Variants in NRXN1 observed in about 807,000 individuals in gnomAD.
The protein encoded by NRXN1 is neurexin-1.
A neutral mutation model predicts 150.9 loss-of-function variants in NRXN1; 39 were observed. That is an observed-to-expected ratio of 0.26 (90% confidence interval 0.20 to 0.34). NRXN1 has a LOEUF of 0.34. NRXN1 is among the 10% of genes least tolerant of loss of function. The pLI is 1.00. For missense variants in NRXN1, 1,815 were observed against 1,949.9 expected (o/e 0.93, Z 1.30); for synonymous variants, 924 against 757.0 (o/e 1.22, Z -3.62).
chr2:50,466,678 C>T (rs2088900182), intron 16 of NRXN1, among the ~76,000 whole-genome samples: 1 of 151,406 alleles, frequency 6.6e-6, no homozygotes, highest in South Asian at 2.1e-4. Context: ...AATGAGAAAG[C>T]AGAAATTTAT....
intron 17 of NRXN1, among the ~76,000 whole-genome samples, chr2:50,360,526 G>A (rs572030843): frequency 1.3e-5 from 2 of 152,202 alleles, no homozygotes; most frequent in South Asian, 2.1e-4. Flanking sequence ...GGGGCATTAC[G>A]TAATGGTAAA....
intron 5 of NRXN1, chr2:50,829,353 C>G (rs938975579): frequency 3.6e-6 from 3 of 834,130 alleles, no homozygotes; most frequent in Non-Finnish European, 5.8e-6. Context: ...CAGTCAAACT[C>G]CCAAACTCAG....
intron 21 of NRXN1, chr2:50,019,289 G>C (rs1295867014): frequency 8.5e-6 from 4 of 471,332 alleles, no homozygotes; most frequent in Non-Finnish European, 1.8e-5. Context: ...AAAGCTGTTT[G>C]AGGACAGGGA....
chr2:50,572,729 G>A (rs539763918), intron 8 of NRXN1, among the ~76,000 whole-genome samples: 2 of 152,234 alleles, frequency 1.3e-5, no homozygotes, highest in South Asian at 4.1e-4. Flanking sequence ...CAACCTCTGA[G>A]AACGAAAAGG....
At chr2:49,954,414 C>G (rs1366990982) in intron 21 of NRXN1, among the ~76,000 whole-genome samples, 1 of 152,148 alleles carries the variant, frequency 6.6e-6, no homozygotes, top group Non-Finnish European at 1.5e-5. Context: ...TGAGCTCTCT[C>G]TAAATTCTAA....
chr2:50,620,117 C>T lies in NRXN1; in HGVS notation c.1225G>A (p.Gly409Arg). The change falls in exon 8 of 23, where the codon GGG becomes AGG. Residue 409 changes from glycine to arginine, a missense_variant. Gly to Arg is a moderately radical substitution (Grantham distance 125, BLOSUM62 -2). Around this residue, in one of 6 missense-constraint regions of NRXN1, gnomAD observed 638 missense variants for 652.6 expected, o/e 0.98. Coordinates refer to ENST00000401669, the MANE Select transcript of NRXN1 (RefSeq NM_001330078.2). Reference sequence around the variant, plus strand: ...CCAACATAGAAAAAGTCATCAGACCCCAGCATGGTATAATCTTCTTGCGTG... The same window carrying T: ...CCAACATAGAAAAAGTCATCAGACCTCAGCATGGTATAATCTTCTTGCGTG... ...GYTQEDYTML[G>R]SDDFFYVGGS... 1 of 1,613,492 alleles carries T rather than the reference C, an allele frequency of 6.2e-7. No individual in the cohort carries two copies. The highest frequency in any genetic ancestry group is 8.5e-7 in the Non-Finnish European group (1 of 1,179,662).
rs564853734 is a variant in NRXN1 at position 50,770,498 on chromosome 2, T to G, written c.833-146883A>C. On this transcript the variant is annotated intron_variant, in intron 5 of 22. Coordinates refer to ENST00000401669, the MANE Select transcript of NRXN1 (RefSeq NM_001330078.2). Reference sequence around the variant, plus strand: ...AGGTGCGTCTCACAGGGAGCTCAAATGTGACTTTGGACCCATCTTAATATG... The same window carrying G: ...AGGTGCGTCTCACAGGGAGCTCAAAGGTGACTTTGGACCCATCTTAATATG... Among the ~76,000 whole-genome samples the G allele has an allele frequency of 7.2e-5, 11 of 152,106 alleles. 1 individual carries two copies. The South Asian group carries it at 1.7e-3, about 23-fold the overall frequency.
chr2:50,389,701 A>G (rs1402129), intron 17 of NRXN1, among the ~76,000 whole-genome samples: 86,503 of 151,982 alleles, frequency 0.57, 26,906 homozygotes, highest in East Asian at 0.92. Flanking sequence ...GCTATTTTTT[A>G]TCAATGTCCA....
chr2:50,245,253 G>A (rs2066391367), intron 17 of NRXN1, among the ~76,000 whole-genome samples: 1 of 151,862 alleles, frequency 6.6e-6, no homozygotes, highest in African/African-American at 2.4e-5. Context: ...CAGGTTACCT[G>A]GCTGAGTAGA....
chr2:50,509,945 G>A (rs904908193), intron 12 of NRXN1, among the ~76,000 whole-genome samples: 2 of 152,108 alleles, frequency 1.3e-5, no homozygotes, highest in Non-Finnish European at 2.9e-5. Context: ...GCCCTCACAA[G>A]AAGTGGAACA....
At chr2:50,265,565 A>G (rs2068746864) in intron 17 of NRXN1, among the ~76,000 whole-genome samples, 1 of 152,234 alleles carries the variant, frequency 6.6e-6, no homozygotes, top group Non-Finnish European at 1.5e-5. Flanking sequence ...AGAATGCCCA[A>G]GACTGTTTCT....
chr2:50,455,126 G>C (rs1348306332), intron 17 of NRXN1, among the ~76,000 whole-genome samples: 2 of 152,208 alleles, frequency 1.3e-5, no homozygotes, highest in Non-Finnish European at 2.9e-5. Context: ...GCATGCTGTA[G>C]AGTTGTCGCA....
At chr2:50,273,762 A>G (rs1461345779) in intron 17 of NRXN1, among the ~76,000 whole-genome samples, 1 of 152,132 alleles carries the variant, frequency 6.6e-6, no homozygotes, top group Non-Finnish European at 1.5e-5. Flanking sequence ...GCAGCCAAAA[A>G]ACATATGAAA....
intron 17 of NRXN1, among the ~76,000 whole-genome samples, chr2:50,391,198 A>G (rs1018455779): frequency 1.4e-5 from 2 of 145,744 alleles, no homozygotes; most frequent in African/African-American, 5.3e-5. Context: ...AGAGAGTTTC[A>G]CAAGTTTGCA....
At chr2:50,075,969 T>C (rs951860863) in intron 19 of NRXN1, among the ~76,000 whole-genome samples, 2 of 152,210 alleles carry the variant, frequency 1.3e-5, no homozygotes, top group African/African-American at 4.8e-5. Flanking sequence ...TAGCATGGTT[T>C]CTCTAATGTT....
At chr2:50,443,881 T>C (rs972107189) in intron 17 of NRXN1, among the ~76,000 whole-genome samples, 7 of 152,212 alleles carry the variant, frequency 4.6e-5, no homozygotes, top group Non-Finnish European at 8.8e-5. Flanking sequence ...TTCTGTCTTA[T>C]AGATTGCCAT....
intron 18 of NRXN1, among the ~76,000 whole-genome samples, chr2:50,168,132 C>G (rs1342883539): frequency 6.6e-6 from 1 of 151,938 alleles, no homozygotes; most frequent in African/African-American, 2.4e-5. Context: ...TGCCTCAGGA[C>G]CATGTACAAA....
chr2:50,993,247 A>G (rs1421153506), intron 2 of NRXN1, among the ~76,000 whole-genome samples: 1 of 151,980 alleles, frequency 6.6e-6, no homozygotes, highest in African/African-American at 2.4e-5. Context: ...CGATAATCTA[A>G]GTCTTTCATT....
At chr2:50,980,982 A>C (rs1424808175) in intron 2 of NRXN1, among the ~76,000 whole-genome samples, 1 of 152,146 alleles carries the variant, frequency 6.6e-6, no homozygotes, top group Admixed American at 6.6e-5. Context: ...TTCTAGGCAC[A>C]GAGAGCTACT....
Sources: allele counts gnomAD v4.1 joint callset (sites outside exome capture counted in the v4.1 genomes callset), GRCh38; gene constraint gnomAD v4.1.1; regional missense constraint gnomAD v4.1.1; transcripts MANE v1.5; gene names NCBI Gene and HGNC (gene_info 2026-07-23, HGNC 2026-07-21).